SHISA6: variants seen among roughly 807,000 people sequenced by gnomAD.
SHISA6 encodes the protein shisa family member 6.
In SHISA6, 22 loss-of-function variants were observed where a neutral mutation model predicts 47.9. That is an observed-to-expected ratio of 0.46 (90% CI 0.33 to 0.66). The LOEUF is 0.66. Among genes scored for constraint, SHISA6 ranks in the 30% least tolerant of loss-of-function variants. The probability of loss-of-function intolerance (pLI) is 0.02; values close to 1 mark genes in which losing one functional copy is unlikely to be tolerated. For missense variants in SHISA6, 680 were observed against 764.6 expected (o/e 0.89, Z 1.30); for synonymous variants, 388 against 337.8 (o/e 1.15, Z -1.63).
At chr17:11,367,145 T>A (rs1567585943) in intron 2 of SHISA6, among the ~76,000 whole-genome samples, 1 of 152,272 alleles carries the variant, frequency 6.6e-6, no homozygotes, top group East Asian at 1.9e-4. Context: ...AATGGGACGG[T>A]GACTTGGCTG....
intron 2 of SHISA6, among the ~76,000 whole-genome samples, chr17:11,330,420 A>G (rs1043725679): frequency 4.6e-5 from 7 of 152,120 alleles, no homozygotes; most frequent in Admixed American, 1.3e-4. Flanking sequence ...ACTGACATCA[A>G]GCAAAGGCTA....
chr17:11,524,503 C>CTTTTTTT (rs548959000), intron 3 of SHISA6, among the ~76,000 whole-genome samples: 1 of 140,836 alleles, frequency 7.1e-6, no homozygotes, highest in Non-Finnish European at 1.6e-5. Context: ...TTTCTTTTTT[C>CTTTTTTT]TTTTTTTTTT....
intron 3 of SHISA6, among the ~76,000 whole-genome samples, chr17:11,386,854 G>A (rs188580058): frequency 6.6e-6 from 1 of 152,306 alleles, no homozygotes; most frequent in Admixed American, 6.5e-5. Flanking sequence ...GGGTTAGGGT[G>A]ACCGACCATC....
chr17:11,262,232 C>T (rs1484332511), intron 1 of SHISA6, among the ~76,000 whole-genome samples: 2 of 152,208 alleles, frequency 1.3e-5, no homozygotes, highest in African/African-American at 4.8e-5. Context: ...CTGCAGTTGT[C>T]ACTTTTCATG....
At chr17:11,400,829 T>C (rs1181774796) in intron 3 of SHISA6, among the ~76,000 whole-genome samples, 1 of 152,176 alleles carries the variant, frequency 6.6e-6, no homozygotes, top group Non-Finnish European at 1.5e-5. Flanking sequence ...GACTGAAATG[T>C]TTTTCACCGA....
intron 3 of SHISA6, among the ~76,000 whole-genome samples, chr17:11,471,008 G>A (rs1036749124): frequency 1.3e-5 from 2 of 152,076 alleles, no homozygotes; most frequent in Admixed American, 6.5e-5. Context: ...TTAGGAGTTC[G>A]AGACCAGTCT....
chr17:11,443,068 C>G lies in SHISA6; in HGVS notation c.895+63559C>G, dbSNP rs541236107. Among the ~76,000 whole-genome samples the G allele has an allele frequency of 3.3e-4, 50 of 152,326 alleles. 2 individuals carry two copies. The South Asian group carries it at 0.01, about 32-fold the overall frequency. ...GATTACGCTGTCTGCTGCTCTCTCT[C>G]CCCCTGGCAGTCTTAGGTATTTGAG... On this transcript the variant is annotated intron_variant, in intron 3 of 5. Coordinates refer to ENST00000441885, the MANE Select transcript of SHISA6 (RefSeq NM_207386.4).
At chr17:11,244,770 C>T (rs1907509993) in intron 1 of SHISA6, among the ~76,000 whole-genome samples, 6 of 152,148 alleles carry the variant, frequency 3.9e-5, no homozygotes, top group Admixed American at 3.9e-4. Flanking sequence ...TGAAATAGCT[C>T]AGCAAAGATG....
rs1567632839 is a variant in SHISA6, at chr17:11,536,017, T to TAG, written c.896-15878_896-15877insGA. 2.4e-4 allele frequency among the ~76,000 whole-genome samples: 37 copies of TAG among 151,848 alleles called. No homozygotes were observed. The South Asian group carries it at 4.6e-3, about 19-fold the overall frequency. ...ATATATACAGATAGATAGATAGATATATATAGAGAGAGAAAGTGAGACAGA... is the reference window on the plus strand; with the variant it reads ...ATATATACAGATAGATAGATAGATATAGATATAGAGAGAGAAAGTGAGACAGA... On this transcript the variant is annotated intron_variant, in intron 3 of 5. Coordinates refer to ENST00000441885, the MANE Select transcript of SHISA6 (RefSeq NM_207386.4).
chr17:11,294,097 G>A (rs1312943595), intron 2 of SHISA6, among the ~76,000 whole-genome samples: 1 of 151,810 alleles, frequency 6.6e-6, no homozygotes, highest in East Asian at 1.9e-4. Flanking sequence ...TGTTGACCAG[G>A]ATGGTCTTGA....
intron 3 of SHISA6, among the ~76,000 whole-genome samples, chr17:11,469,721 A>T (rs780150819): frequency 2.0e-5 from 3 of 152,152 alleles, no homozygotes; most frequent in Non-Finnish European, 2.9e-5. Context: ...GATACCCAAC[A>T]GAGCTCCAGC....
intron 2 of SHISA6, among the ~76,000 whole-genome samples, chr17:11,268,829 T>C (rs751440696): frequency 6.6e-6 from 1 of 152,214 alleles, no homozygotes; most frequent in Non-Finnish European, 1.5e-5. Flanking sequence ...GATGACATAG[T>C]CCTTTACTTG....
At chr17:11,486,559 T>C (rs147041149) in intron 3 of SHISA6, among the ~76,000 whole-genome samples, 15 of 152,306 alleles carry the variant, frequency 9.8e-5, no homozygotes, top group East Asian at 7.7e-4. Context: ...ACCAGCAGAA[T>C]TGACAAATGG....
chr17:11,336,309 TG>T (rs1911318746), intron 2 of SHISA6, among the ~76,000 whole-genome samples: 1 of 152,122 alleles, frequency 6.6e-6, no homozygotes, highest in African/African-American at 2.4e-5. Context: ...TAGACACTTT[TG>T]TCAGAATAGT....
intron 4 of SHISA6, among the ~76,000 whole-genome samples, chr17:11,555,343 G>C (rs181639957): frequency 6.6e-6 from 1 of 152,252 alleles, no homozygotes; most frequent in Admixed American, 6.5e-5. Context: ...TTCTGAGCCT[G>C]AGAGCTAGGT....
At chr17:11,354,638 T>C (rs1403016061) in intron 2 of SHISA6, among the ~76,000 whole-genome samples, 1 of 152,152 alleles carries the variant, frequency 6.6e-6, no homozygotes, top group African/African-American at 2.4e-5. Flanking sequence ...TGGGAGGAGC[T>C]CACACATCAG....
At chr17:11,471,415 T>G (rs182805327) in intron 3 of SHISA6, among the ~76,000 whole-genome samples, 1 of 152,192 alleles carries the variant, frequency 6.6e-6, no homozygotes, top group Admixed American at 6.5e-5. Context: ...ATCAGGAAAC[T>G]TGGGGGATAC....
chr17:11,411,317 C>T (rs11651148), intron 3 of SHISA6, among the ~76,000 whole-genome samples: 52,454 of 151,990 alleles, frequency 0.35, 9,467 homozygotes, highest in Non-Finnish European at 0.42. Context: ...CTCTCACTAA[C>T]TTTCTGTTTC....
intron 3 of SHISA6, among the ~76,000 whole-genome samples, chr17:11,512,419 C>T (rs1459590145): frequency 6.6e-6 from 1 of 152,230 alleles, no homozygotes; most frequent in Admixed American, 6.5e-5. Flanking sequence ...CATTCTTCCA[C>T]TCTCTGTGGT....
Sources: gnomAD v4.1 joint callset for allele counts (sites outside exome capture counted in the v4.1 genomes callset) on GRCh38, gnomAD v4.1.1 for gene constraint, MANE v1.5 for transcripts, NCBI Gene and HGNC (gene_info 2026-07-23, HGNC 2026-07-21) for gene names.